The following ZPBP variants were observed in gnomAD, a reference collection of about 807,000 sequenced individuals.
ZPBP encodes the protein zona pellucida-binding protein 1.
A neutral mutation model predicts 44.8 loss-of-function variants in ZPBP; 26 were observed. The observed-to-expected ratio is 0.58, with a 90% confidence interval of 0.43 to 0.81. The LOEUF (loss-of-function observed/expected upper bound fraction) is 0.81. ZPBP is among the 30% of genes least tolerant of loss of function. The pLI is 0.00. For synonymous variants in ZPBP, 174 were observed against 153.2 expected, an observed-to-expected ratio of 1.14 and a Z score of -1.00; for missense variants, 409 against 434.0, an observed-to-expected ratio of 0.94 and a Z score of 0.51.
At chr7:50,056,583 T>C (rs1800943995) in intron 4 of ZPBP, among the ~76,000 whole-genome samples, 1 of 152,216 alleles carries the variant, frequency 6.6e-6, no homozygotes, top group Non-Finnish European at 1.5e-5. Context: ...GAGCCATTAT[T>C]CTGTCTGCCA....
chr7:49,940,184 T>TCCCAATTCTA (rs1794812230), intron 7 of ZPBP, among the ~76,000 whole-genome samples: 1 of 152,180 alleles, frequency 6.6e-6, no homozygotes, highest in South Asian at 2.1e-4. Context: ...AGGCTGTGTC[T>TCCCAATTCTA]CCCAATTCTA....
chr7:50,010,710 A>G lies in ZPBP; in HGVS notation c.783+7530T>C, dbSNP rs1367599181. The stretch of plus-strand genomic sequence containing the variant: ...GCTGAAAGAAATCATAGATGACACT[A>G]ACAACTGGAAACACATCCACGCTCA... On this transcript the variant is annotated intron_variant, in intron 6 of 7. Transcript: ENST00000046087. Among the ~76,000 whole-genome samples, 4 of 152,264 alleles carry G rather than the reference A, an allele frequency of 2.6e-5. No individual in the cohort carries two copies. The East Asian group carries it at 7.7e-4, about 29-fold the overall frequency.
intron 6 of ZPBP, among the ~76,000 whole-genome samples, chr7:50,004,187 A>C (rs1045420304): frequency 2.6e-5 from 4 of 152,066 alleles, no homozygotes; most frequent in Non-Finnish European, 4.4e-5. Context: ...GCTAGAACAA[A>C]GCAGGTGGAA....
At chr7:49,894,474 G>T (rs1792282410) in intron 2 of ZPBP, among the ~76,000 whole-genome samples, 1 of 152,164 alleles carries the variant, frequency 6.6e-6, no homozygotes, top group Admixed American at 6.5e-5. Context: ...ACCATCCCTT[G>T]TTATAAAAAT....
At chr7:50,055,314 T>C (rs1174650041) in intron 4 of ZPBP, among the ~76,000 whole-genome samples, 1 of 152,182 alleles carries the variant, frequency 6.6e-6, no homozygotes, top group Non-Finnish European at 1.5e-5. Context: ...TGAAACACCA[T>C]GTAGCTATTA....
At chr7:49,908,248 G>C (rs768750174) in intron 1 of ZPBP, among the ~76,000 whole-genome samples, 16 of 152,068 alleles carry the variant, frequency 1.1e-4, no homozygotes, top group Admixed American at 4.6e-4. Context: ...AAAAGGAGGA[G>C]GTTATAATGA....
the ZPBP span, among the ~76,000 whole-genome samples, chr7:49,842,261 C>T: frequency 3.9e-5 from 6 of 152,118 alleles, no homozygotes; most frequent in African/African-American, 1.4e-4. Context: ...TAGTAAATGG[C>T]TATTGCAGTG....
At chr7:49,851,854 TA>T (rs77423510) in intron 2 of ZPBP, among the ~76,000 whole-genome samples, 752 of 136,106 alleles carry the variant, frequency 5.5e-3, no homozygotes, top group Middle Eastern at 0.011. Flanking sequence ...AGACTCTGTC[TA>T]AAAAAAAAAA....
intron 7 of ZPBP, among the ~76,000 whole-genome samples, chr7:49,960,025 T>A (rs1407081540): frequency 6.6e-6 from 1 of 152,158 alleles, no homozygotes; most frequent in Non-Finnish European, 1.5e-5. Context: ...AGATATGATA[T>A]CTTTATGGTA....
Position 49,981,534 on chromosome 7 carries a change from TA to T in ZPBP, c.961+1807del, listed in dbSNP as rs1197972158. Among the ~76,000 whole-genome samples the T allele has an allele frequency of 1.0e-3, 29 of 27,990 alleles. No homozygotes were observed. In the South Asian group the frequency reaches 0.027, roughly 26 times the overall value. 18.4% of individuals were successfully genotyped at this position (27,990 alleles called of 152,430 possible). ...ATGGTATATTATATAATATATATTATAATTTTATATAATTATATAAATTATA... is the reference window on the plus strand; with the variant it reads ...ATGGTATATTATATAATATATATTATATTTTATATAATTATATAAATTATA... On this transcript the variant is annotated intron_variant, in intron 7 of 7. Coordinates refer to ENST00000046087, the MANE Select transcript of ZPBP (RefSeq NM_007009.3).
intron 1 of ZPBP, among the ~76,000 whole-genome samples, chr7:49,910,568 TACAGGTATGAACCATA>T (rs1249450370): frequency 1.3e-5 from 2 of 151,400 alleles, no homozygotes; most frequent in Non-Finnish European, 2.9e-5. Flanking sequence ...GAATGAGATC[TACAGGTATGAACCATA>T]ACACAAAGCC....
rs139696835 is a variant in ZPBP at position 49,955,010 on chromosome 7, C to A, written c.962-17388G>T. On this transcript the variant is annotated intron_variant, in intron 7 of 7. Transcript: ENST00000046087. Reference sequence around the variant, plus strand: ...TTTCTGAACATAAGATATTTAATTGCAGATTAACAAAAATTATATTGGAGT... The same window carrying A: ...TTTCTGAACATAAGATATTTAATTGAAGATTAACAAAAATTATATTGGAGT... Among the ~76,000 whole-genome samples the A allele has an allele frequency of 2.6e-3, 392 of 152,038 alleles. 3 individuals are homozygous for A. The highest frequency in any genetic ancestry group is 9.1e-3 in the African/African-American group (377 of 41,476).
downstream of ZPBP, chr7:49,937,417 GAC>G (rs2128751813): frequency 2.4e-6 from 2 of 821,776 alleles, no homozygotes; most frequent in Non-Finnish European, 4.1e-6. Flanking sequence ...TTAAAATGAT[GAC>G]ACATTTTTTT....
chr7:50,004,819 G>C (rs1172139986), intron 6 of ZPBP, among the ~76,000 whole-genome samples: 2 of 152,058 alleles, frequency 1.3e-5, no homozygotes, highest in African/African-American at 4.8e-5. Flanking sequence ...ACCATATCAA[G>C]TTGATCAGCA....
At chr7:49,984,500 G>A (rs942478708) in intron 6 of ZPBP, among the ~76,000 whole-genome samples, 3 of 152,168 alleles carry the variant, frequency 2.0e-5, no homozygotes, top group African/African-American at 4.8e-5. Flanking sequence ...GTGGTAGGAT[G>A]TTTTTGGGAT....
intron 4 of ZPBP, among the ~76,000 whole-genome samples, chr7:50,056,918 G>T (rs1584135152): frequency 1.3e-5 from 2 of 152,252 alleles, no homozygotes; most frequent in South Asian, 2.1e-4. Context: ...AGGTGTGGTG[G>T]CTCATGCCTG....
At chr7:50,020,447 T>C (rs1341791010) in intron 5 of ZPBP, among the ~76,000 whole-genome samples, 2 of 152,032 alleles carry the variant, frequency 1.3e-5, no homozygotes, top group African/African-American at 4.8e-5. Context: ...TAGGAGACTG[T>C]TTCAGCCCAA....
At chr7:49,849,460 G>A (rs777712765), downstream of ZPBP, among the ~76,000 whole-genome samples, 20 of 152,286 alleles carry the variant, frequency 1.3e-4, no homozygotes, top group African/African-American at 4.6e-4. Flanking sequence ...AAGGGTCCTC[G>A]CGGGTCTCTG....
At chr7:49,993,349 G>A (rs1797648820) in intron 6 of ZPBP, among the ~76,000 whole-genome samples, 1 of 151,940 alleles carries the variant, frequency 6.6e-6, no homozygotes, top group East Asian at 1.9e-4. Context: ...AAAATAAAAG[G>A]AAAAGGGCTA....
Sources: allele counts gnomAD v4.1 joint callset (sites outside exome capture counted in the v4.1 genomes callset), GRCh38; gene constraint gnomAD v4.1.1; transcripts MANE v1.5; gene names NCBI Gene and HGNC (gene_info 2026-07-23, HGNC 2026-07-21).